RTN1: variants seen among roughly 807,000 people sequenced by gnomAD.
RTN1 encodes reticulon-1.
RTN1 carries 25 observed loss-of-function variants against 65.5 expected under a neutral mutation model. The ratio of observed to expected loss-of-function variants is 0.38; its 90% CI spans 0.28 to 0.53. The LOEUF is 0.53. RTN1 is among the 20% of genes least tolerant of loss of function. The pLI is 0.79. For synonymous variants in RTN1, 471 were observed against 447.6 expected (o/e 1.05, Z -0.66); for missense variants, 983 against 1,025.4 (o/e 0.96, Z 0.57).
At chr14:59,795,243 T>A (rs1190180497) in intron 1 of RTN1, among the ~76,000 whole-genome samples, 2 of 152,016 alleles carry the variant, frequency 1.3e-5, no homozygotes, top group Admixed American at 1.3e-4. Flanking sequence ...ATTAAAGATT[T>A]AAAAAAAATA....
chr14:59,606,126 A>ATATATATATATATATATATATATC (rs66961672), intron 4 of RTN1: 2 of 124,124 alleles, frequency 1.6e-5, no homozygotes, highest in African/African-American at 7.8e-5. Flanking sequence ...ATATATATAT[A>ATATATATATATATATATATATATC]TCATACCAGC....
chr14:59,599,161 T>C (rs1029952995), intron 8 of RTN1, among the ~76,000 whole-genome samples: 2 of 152,196 alleles, frequency 1.3e-5, no homozygotes, highest in African/African-American at 2.4e-5. Flanking sequence ...ACCCCCGAGG[T>C]ATTTTTTACA....
chr14:59,721,900 T>C (rs180901381), intron 3 of RTN1, among the ~76,000 whole-genome samples: 25 of 152,264 alleles, frequency 1.6e-4, no homozygotes, highest in African/African-American at 5.5e-4. Flanking sequence ...TTCTAAATGA[T>C]TTTGTTGCTC....
At chr14:59,646,050 C>T (rs948014708) in intron 3 of RTN1, among the ~76,000 whole-genome samples, 1 of 151,978 alleles carries the variant, frequency 6.6e-6, no homozygotes, top group South Asian at 2.1e-4. Flanking sequence ...AAATCCAATC[C>T]GAGAAAACTA....
At chr14:59,617,000 G>T (rs548755512) in intron 3 of RTN1, among the ~76,000 whole-genome samples, 11 of 152,250 alleles carry the variant, frequency 7.2e-5, no homozygotes, top group Non-Finnish European at 1.6e-4. Flanking sequence ...AATTTCTCCA[G>T]AATTTGAAAA....
At position 59,794,402 on chromosome 14, in the gene RTN1, T is replaced by G. The variant is rs375965785; in HGVS notation, c.242-47921A>C. Among the ~76,000 whole-genome samples the G allele has an allele frequency of 6.6e-6, 1 of 152,150 alleles. No homozygotes were observed. Among genetic ancestry groups the G allele is most frequent in the East Asian group, 1.9e-4 (1 of 5,200 alleles). On this transcript the variant is annotated intron_variant, in intron 1 of 8. Coordinates refer to ENST00000267484, the MANE Select transcript of RTN1 (RefSeq NM_021136.3). This position sits in a 1 kb window ranked among gnomAD's most constrained non-coding sequence, Gnocchi z 5.1. Reference sequence around the variant, plus strand: ...AAGTATTCTAAGCCACTGGATCAAATCACCTCCAAAGCCTGTCTACGTCTA... The same window carrying G: ...AAGTATTCTAAGCCACTGGATCAAAGCACCTCCAAAGCCTGTCTACGTCTA...
chr14:59,800,419 G>A (rs1886520884), intron 1 of RTN1, among the ~76,000 whole-genome samples: 3 of 151,890 alleles, frequency 2.0e-5, no homozygotes, highest in African/African-American at 4.8e-5. Flanking sequence ...TTTTTGTTTT[G>A]AGTCAGAGTC....
chr14:59,711,686 C>T (rs1188879958), intron 3 of RTN1, among the ~76,000 whole-genome samples: 1 of 152,178 alleles, frequency 6.6e-6, no homozygotes. Context: ...GAACAAAAGC[C>T]TGTGATCTCA....
At chr14:59,866,422 A>G (rs1017515457) in intron 1 of RTN1, among the ~76,000 whole-genome samples, 2 of 152,164 alleles carry the variant, frequency 1.3e-5, no homozygotes, top group Non-Finnish European at 2.9e-5. Flanking sequence ...GAGAGAGGAG[A>G]GCCTATGAGC....
At chr14:59,869,580 G>A (rs901006871) in intron 1 of RTN1, among the ~76,000 whole-genome samples, 8 of 41,174 alleles carry the variant, frequency 1.9e-4, no homozygotes, top group South Asian at 1.1e-3. Flanking sequence ...TTTCCGGGGT[G>A]GGGGGGGGGG....
At chr14:59,810,212 A>C (rs776402131) in intron 1 of RTN1, among the ~76,000 whole-genome samples, 11 of 152,144 alleles carry the variant, frequency 7.2e-5, no homozygotes, top group Admixed American at 2.6e-4. Flanking sequence ...TTTGTTTCCC[A>C]ATCTGGATAT....
intron 3 of RTN1, among the ~76,000 whole-genome samples, chr14:59,705,840 C>T (rs1884279908): frequency 6.6e-6 from 1 of 152,150 alleles, no homozygotes; most frequent in Non-Finnish European, 1.5e-5. Context: ...GAAAATGATA[C>T]CCCAAAATAT....
intron 1 of RTN1, among the ~76,000 whole-genome samples, chr14:59,856,036 C>T (rs1425392702): frequency 6.6e-6 from 1 of 152,160 alleles, no homozygotes; most frequent in Non-Finnish European, 1.5e-5. Context: ...TGCCCATTGG[C>T]ATTTCCTGCT....
At chr14:59,645,204 C>T (rs1882864870) in intron 3 of RTN1, among the ~76,000 whole-genome samples, 1 of 151,984 alleles carries the variant, frequency 6.6e-6, no homozygotes, top group African/African-American at 2.4e-5. Flanking sequence ...CAGATCCATA[C>T]CTCCCTGGGA....
At chr14:59,716,861 G>A (rs1266605157) in intron 3 of RTN1, among the ~76,000 whole-genome samples, 1 of 151,734 alleles carries the variant, frequency 6.6e-6, no homozygotes, top group African/African-American at 2.4e-5. Context: ...CCAGCTACTC[G>A]GGAGGCTGAG....
chr14:59,788,605 A>C (rs1886294068), intron 1 of RTN1, among the ~76,000 whole-genome samples: 2 of 152,170 alleles, frequency 1.3e-5, no homozygotes, highest in African/African-American at 2.4e-5. Context: ...TACATTGGTC[A>C]TGTATCCGAT....
At position 59,727,601 on chromosome 14, in the gene RTN1, T is replaced by C. The variant is rs762146576; in HGVS notation, c.1083A>G (p.Lys361=). 1.2e-6 allele frequency: 2 copies of C among 1,612,982 alleles called. No individual in the cohort carries two copies. Among genetic ancestry groups the C allele is most frequent in the Admixed American group, 1.7e-5 (1 of 59,896 alleles). Residue 361 remains lysine (K), a synonymous_variant, in exon 3 of 9, where the codon AAA becomes AAG. Transcript: ENST00000267484. The surrounding 1 kb of genome is among the most constrained non-coding windows in gnomAD (Gnocchi z 4.2). ...ISEDELITAI[K]EAKGLSYETA... is the part of the protein sequence containing the mutation. ...TTTCATACGATAATCCCTTTGCTTC[T>C]TTGATGGCGGTGATCAGCTCATCCT...
chr14:59,766,104 C>CT lies in RTN1; in HGVS notation c.242-19624dup, dbSNP rs1289707462. On this transcript the variant is annotated intron_variant, in intron 1 of 8. Coordinates refer to ENST00000267484, the MANE Select transcript of RTN1 (RefSeq NM_021136.3). This position sits in a 1 kb window ranked among gnomAD's most constrained non-coding sequence, Gnocchi z 4.4. Reference sequence around the variant, plus strand: ...AATTAGTCGGGCTTGGTGGTACACACTTGTAGTCCCAGCTACTTGGGAGGC... The same window carrying CT: ...AATTAGTCGGGCTTGGTGGTACACACTTTGTAGTCCCAGCTACTTGGGAGGC... Among the ~76,000 whole-genome samples, 9 of 152,116 alleles carry CT rather than the reference C, an allele frequency of 5.9e-5. No individual in the cohort carries two copies. Among genetic ancestry groups the CT allele is most frequent in the African/African-American group, 2.2e-4 (9 of 41,416 alleles).
In RTN1 at chr14:59,822,216, A is replaced by G. The variant is rs184814694; in HGVS notation, c.241+48174T>C. ...TGTTATTGGTCTGTTCAGGATTTCAATTTCTTCCTGGTTCAGTCTTGGGAG... is the reference window on the plus strand; with the variant it reads ...TGTTATTGGTCTGTTCAGGATTTCAGTTTCTTCCTGGTTCAGTCTTGGGAG... On this transcript the variant is annotated intron_variant, in intron 1 of 8. Transcript: ENST00000267484. 3.0e-4 allele frequency among the ~76,000 whole-genome samples: 45 copies of G among 152,128 alleles called. No individual in the cohort carries two copies. The East Asian group carries it at 7.9e-3, about 27-fold the overall frequency.
Sources: gnomAD v4.1 joint callset for allele counts (sites outside exome capture counted in the v4.1 genomes callset) on GRCh38, gnomAD v4.1.1 for gene constraint, Gnocchi (gnomAD v3.1) non-coding constraint, MANE v1.5 for transcripts, NCBI Gene and HGNC (gene_info 2026-07-23, HGNC 2026-07-21) for gene names.